ELN: variants seen among roughly 807,000 people sequenced by gnomAD.
ELN encodes elastin.
ELN carries 65 observed loss-of-function variants against 105.8 expected under a neutral mutation model. That is an observed-to-expected ratio of 0.61 (90% confidence interval 0.50 to 0.75). The LOEUF is 0.75. Ranked by LOEUF, ELN falls within the 30% of genes least tolerant of loss-of-function variation. The pLI is 0.00. For missense variants in ELN, 882 were observed against 969.4 expected (o/e 0.91, Z 1.20); for synonymous variants, 368 against 389.2 (o/e 0.95, Z 0.64).
intron 14 of ELN, 115 bp downstream of exon 14, chr7:74,048,316 C>T (rs1583820314): frequency 6.5e-7 from 1 of 1,542,288 alleles, no homozygotes; most frequent in East Asian, 2.2e-5. Flanking sequence ...GCATCCAGAC[C>T]CTGGTCCAAA....
At position 74,068,828 on chromosome 7, in the gene ELN, G is replaced by T. The variant is rs943981290; in HGVS notation, c.*128G>T. 2.4e-5 allele frequency: 30 copies of T among 1,228,220 alleles called. No individual in the cohort carries two copies. The South Asian group carries it at 3.5e-4, about 14-fold the overall frequency. The allele number at this position is 1,228,220 out of a possible 1,614,324, so 76.1% of individuals were successfully genotyped here. ...CACCCCAGGAGGGAACGGGCAGGCC[G>T]GGCGGCCTTGCAGATCCACAGGGCA... On this transcript the variant is annotated 3_prime_UTR_variant, in exon 33 of 33. Transcript: ENST00000252034.
chr7:74,067,250 C>A (rs1398596362), intron 32 of ELN, among the ~76,000 whole-genome samples: 3 of 151,476 alleles, frequency 2.0e-5, no homozygotes, highest in Non-Finnish European at 4.4e-5. Flanking sequence ...GAAACCCCGT[C>A]TCTACTAAAA....
At position 74,038,942 on chromosome 7, in the gene ELN, G is replaced by A. The variant is rs114305470; in HGVS notation, c.196+1203G>A. ...CCCTGGGAGCTTGCCACTTATCCCC[G>A]CCAGCACCTATACCCTGTCTTCCTG... On this transcript the variant is annotated intron_variant, in intron 4 of 32. Coordinates refer to ENST00000252034, the MANE Select transcript of ELN (RefSeq NM_000501.4). Among the ~76,000 whole-genome samples, 457 of 152,278 alleles carry A rather than the reference G, an allele frequency of 3.0e-3. 1 individual carries two copies. Among genetic ancestry groups the A allele is most frequent in the African/African-American group, 9.8e-3 (408 of 41,540 alleles).
At chr7:74,060,093 A>C (rs538382165) in intron 23 of ELN, 46 bp downstream of exon 23, 2 of 1,614,100 alleles carry the variant, frequency 1.2e-6, no homozygotes, top group East Asian at 2.2e-5. Flanking sequence ...CGAAGCCTCC[A>C]TGGGCCCCGC....
Position 74,046,096 on chromosome 7 carries a change from C to A in ELN, c.542-92C>A. 6 of 1,550,014 alleles carry A rather than the reference C, an allele frequency of 3.9e-6. No individual in the cohort carries two copies. In the South Asian group the frequency reaches 6.7e-5, roughly 17 times the overall value. On this transcript the variant is annotated intron_variant, in intron 10 of 32. Transcript: ENST00000252034. ...CATGCGATGACTGGTCTGGGAAGAA[C>A]TGGCCATTCCTTGGGCCTCCTGGCC...
In ELN at chr7:74,056,355, G is replaced by A; in HGVS notation, c.1235G>A (p.Gly412Glu). 1 of 1,613,668 alleles carries A rather than the reference G, an allele frequency of 6.2e-7. No homozygotes were observed. Among genetic ancestry groups the A allele is most frequent in the African/African-American group, 1.3e-5 (1 of 75,044 alleles). ...TTTCCCGGCTTTGGTGTCGGAGTCG[G>A]AGGTATCCCTGGAGTCGCAGGTGTC... is the stretch of plus-strand genomic sequence containing the variant. Reference protein sequence around the residue: ...GGFPGFGVGVGGIPGVAGVPG... With the variant: ...GGFPGFGVGVEGIPGVAGVPG... The change falls in exon 20 of 33, where the codon GGA becomes GAA. Residue 412 changes from glycine (G) to glutamate (E), a missense_variant. Gly to Glu is a moderately conservative substitution (Grantham distance 98). Coordinates refer to ENST00000252034, the MANE Select transcript of ELN (RefSeq NM_000501.4).
At chr7:74,051,621 T>C (rs1168422678) in intron 15 of ELN, 129 bp from the exon 16 acceptor site, 1 of 981,234 alleles carries the variant, frequency 1.0e-6, no homozygotes, top group Non-Finnish European at 1.5e-6. Context: ...GACAGGCCCA[T>C]CTGGAGACAC....
intron 5 of ELN, 81 bp from the exon 6 acceptor site, chr7:74,042,533 G>T: frequency 7.7e-7 from 1 of 1,306,628 alleles, no homozygotes. Flanking sequence ...TCCTGAGTGG[G>T]GCACAGCCAG....
Position 74,069,312 on chromosome 7 carries a change from AC to A in ELN, c.*614del, listed in dbSNP as rs1285248507. ...AAACCACCCCACACTGGGAATAGCCACCTTGCCCTTGTAGAATCCATCCGCC... is the reference window on the plus strand; with the variant it reads ...AAACCACCCCACACTGGGAATAGCCACTTGCCCTTGTAGAATCCATCCGCC... On this transcript the variant is annotated 3_prime_UTR_variant, in exon 33 of 33. Coordinates refer to ENST00000252034, the MANE Select transcript of ELN (RefSeq NM_000501.4). 13 of 237,232 alleles carry A rather than the reference AC, an allele frequency of 5.5e-5. No individual in the cohort carries two copies. In the Admixed American group the frequency reaches 7.0e-4, roughly 13 times the overall value. 14.7% of individuals were successfully genotyped at this position (237,232 alleles called of 1,614,324 possible).
rs61734587 is a variant in ELN at position 74,043,024 on chromosome 7, A to G, written c.366A>G (p.Gly122=). 3.5e-4 allele frequency: 571 copies of G among 1,613,894 alleles called. 1 individual carries two copies. The highest frequency in any genetic ancestry group is 3.3e-4 in the Middle Eastern group (2 of 6,062). The change falls in exon 7 of 33, where the codon GGA becomes GGG. Residue 122 remains glycine, a synonymous_variant. Transcript: ENST00000252034. ...LGGVPGVGGL[G]VSAGAVVPQP... is the part of the protein sequence containing the mutation. ...GTGTCCCAGGAGTTGGTGGCTTAGG[A>G]GTGTCTGCAGGTACGATGGCTATCC...
At chr7:74,043,604 G>A in intron 8 of ELN, 1 of 636,540 alleles carries the variant, frequency 1.6e-6, no homozygotes, top group Non-Finnish European at 2.8e-6. Flanking sequence ...CAGCAGGGAG[G>A]GACATCTGGA....
In ELN at chr7:74,063,650, CTCGGAG is replaced by C; in HGVS notation, c.1955_1960del (p.Val652_Gly653del). On this transcript the variant is annotated inframe_deletion, in exon 29 of 33. Transcript: ENST00000252034. This position sits in a 1 kb window ranked among gnomAD's most constrained non-coding sequence, Gnocchi z 4.1. ...AGTGGGAGCCGCTGGGCTCGGAGGA[CTCGGAG>C]TCGGAGGGCTTGGAGTTCCAGGTGT... The C allele has an allele frequency of 6.2e-7, 1 of 1,614,180 alleles. No homozygotes were observed. Among genetic ancestry groups the C allele is most frequent in the Non-Finnish European group, 8.5e-7 (1 of 1,180,034 alleles).
intron 15 of ELN, among the ~76,000 whole-genome samples, chr7:74,051,435 G>C (rs370476483): frequency 6.6e-6 from 1 of 152,232 alleles, no homozygotes; most frequent in East Asian, 1.9e-4. Context: ...AGGAAGTCTT[G>C]AACATTCCTG....
Position 74,028,241 on chromosome 7 carries a change from G to A in ELN, c.54G>A (p.Leu18=). Residue 18 remains leucine, a synonymous_variant, in exon 1 of 33, where the codon CTG becomes CTA. Coordinates refer to ENST00000252034, the MANE Select transcript of ELN (RefSeq NM_000501.4). The part of the protein sequence containing the change: ...APRPGVLLLL[L]SILHPSRPGG... ...GGCCCGGAGTCCTCCTGCTCCTGCTGTCCATCCTCCACCCCTCTCGGCCTG... is the reference window on the plus strand; with the variant it reads ...GGCCCGGAGTCCTCCTGCTCCTGCTATCCATCCTCCACCCCTCTCGGCCTG... The A allele has an allele frequency of 6.2e-7, 1 of 1,610,500 alleles. No individual in the cohort carries two copies. The highest frequency in any genetic ancestry group is 8.5e-7 in the Non-Finnish European group (1 of 1,179,692).
At chr7:74,042,827 A>G in intron 6 of ELN, 121 bp downstream of exon 6, 1 of 1,532,070 alleles carries the variant, frequency 6.5e-7, no homozygotes, top group East Asian at 2.3e-5. Flanking sequence ...GTCAGTTGCA[A>G]TCTACTGGGG....
chr7:74,054,424 C>G (rs547135484), intron 18 of ELN, among the ~76,000 whole-genome samples: 1 of 150,126 alleles, frequency 6.7e-6, no homozygotes, highest in Non-Finnish European at 1.5e-5. Context: ...GAGCTGAGAT[C>G]GCGCTATTGC....
intron 17 of ELN, chr7:74,052,808 A>G: frequency 3.6e-6 from 1 of 277,722 alleles, no homozygotes; most frequent in Non-Finnish European, 6.8e-6. Context: ...AAAGGAAGGA[A>G]GGAAGGAAAA....
At chr7:74,047,296 A>G (rs1792802232) in intron 12 of ELN, among the ~76,000 whole-genome samples, 1 of 152,290 alleles carries the variant, frequency 6.6e-6, no homozygotes, top group South Asian at 2.1e-4. Flanking sequence ...ATCTGAAGCT[A>G]TTAGGCTGGT....
At chr7:74,042,190 C>T (rs1307844357) in intron 5 of ELN, among the ~76,000 whole-genome samples, 3 of 150,074 alleles carry the variant, frequency 2.0e-5, no homozygotes, top group Admixed American at 1.3e-4. Context: ...GAGGCTGAGA[C>T]GGGCAGATGG....
Sources: gnomAD v4.1 joint callset for allele counts (sites outside exome capture counted in the v4.1 genomes callset) on GRCh38, gnomAD v4.1.1 for gene constraint, Gnocchi (gnomAD v3.1) non-coding constraint, MANE v1.5 for transcripts, NCBI Gene and HGNC (gene_info 2026-07-23, HGNC 2026-07-21) for gene names.